PHF21A: variants seen among roughly 807,000 people sequenced by gnomAD.
The protein encoded by PHF21A is BHC80a.
Under a neutral mutation model 82.5 loss-of-function variants are expected in PHF21A, and 11 were observed. The observed-to-expected ratio is 0.13, with a 90% CI of 0.08 to 0.22. The LOEUF is 0.22. Ranked by LOEUF, PHF21A falls within the 10% of genes least tolerant of loss-of-function variation. The probability of loss-of-function intolerance (pLI) is 1.00; values close to 1 mark genes in which losing one functional copy is unlikely to be tolerated. For missense variants in PHF21A, 579 were observed against 837.8 expected, an observed-to-expected ratio of 0.69 and a Z score of 3.81; for synonymous variants, 297 against 302.8, an observed-to-expected ratio of 0.98 and a Z score of 0.20.
At chr11:46,045,144 A>C (rs1192985824) in intron 6 of PHF21A, among the ~76,000 whole-genome samples, 4 of 152,136 alleles carry the variant, frequency 2.6e-5, no homozygotes, top group African/African-American at 9.7e-5. Flanking sequence ...GAATGCCTCC[A>C]TTCTTTCTGT....
At chr11:46,054,474 G>A (rs575979251) in intron 6 of PHF21A, among the ~76,000 whole-genome samples, 10 of 152,164 alleles carry the variant, frequency 6.6e-5, no homozygotes, top group Admixed American at 2.0e-4. Flanking sequence ...TTTATGCCTG[G>A]GCGCCATTCT....
chr11:45,943,067 C>A (rs1021479517), intron 15 of PHF21A, among the ~76,000 whole-genome samples: 5 of 151,266 alleles, frequency 3.3e-5, no homozygotes, highest in African/African-American at 1.2e-4. Context: ...CAGACGTGAT[C>A]ACTTTTCTCC....
chr11:45,944,608 G>A (rs553546923), intron 15 of PHF21A, among the ~76,000 whole-genome samples: 2 of 152,098 alleles, frequency 1.3e-5, no homozygotes, highest in African/African-American at 4.8e-5. Context: ...TGGCCCTCTT[G>A]CTTTTCTTTC....
chr11:45,936,466 A>G, intron 17 of PHF21A, 28 bp downstream of exon 17: 3 of 1,394,312 alleles, frequency 2.2e-6, no homozygotes, highest in Non-Finnish European at 3.0e-6. Flanking sequence ...GGAAGCTTAC[A>G]AAAAAGTGGG....
intron 1 of PHF21A, among the ~76,000 whole-genome samples, chr11:46,114,104 C>CACAG (rs397742571): frequency 1.4e-5 from 2 of 146,200 alleles, no homozygotes; most frequent in Non-Finnish European, 2.9e-5. Context: ...CACACACACA[C>CACAG]GCACACATCC....
At chr11:46,095,352 AGTTT>A (rs1176466607) in intron 1 of PHF21A, among the ~76,000 whole-genome samples, 1 of 152,232 alleles carries the variant, frequency 6.6e-6, no homozygotes, top group Non-Finnish European at 1.5e-5. Flanking sequence ...AAAGCCACTT[AGTTT>A]GTTTCTCACA....
intron 6 of PHF21A, among the ~76,000 whole-genome samples, chr11:45,981,940 C>CTTT (rs754937092): frequency 3.1e-4 from 24 of 78,268 alleles, no homozygotes; most frequent in East Asian, 1.3e-3. Flanking sequence ...TTTTGTTTTT[C>CTTT]TTTTTTTTTT....
chr11:45,971,152 C>G lies in PHF21A; in HGVS notation c.576G>C (p.Glu192Asp). 1 of 1,614,194 alleles carries G rather than the reference C, an allele frequency of 6.2e-7. No individual in the cohort carries two copies. Among genetic ancestry groups the G allele is most frequent in the Non-Finnish European group, 8.5e-7 (1 of 1,180,032 alleles). The change falls in exon 8 of 19, where the codon GAG becomes GAC. Residue 192 changes from glutamate to aspartate, a missense_variant. Coordinates refer to ENST00000676320, the MANE Select transcript of PHF21A (RefSeq NM_001352027.3). The part of the protein sequence containing the change: ...TSSKVTGPGA[E>D]AVQIVAKNTV... ...TGTTTTTTGCCACAATTTGGACAGC[C>G]TCTGCCCCAGGCCCAGTGACCTTAC...
intron 6 of PHF21A, among the ~76,000 whole-genome samples, chr11:46,023,956 G>A (rs1201154965): frequency 1.3e-5 from 2 of 152,052 alleles, no homozygotes; most frequent in African/African-American, 2.4e-5. Flanking sequence ...ACACCATCTC[G>A]AAAACAAACA....
rs1354573497 is a variant in PHF21A, at chr11:45,931,831, A to G, written c.*2137T>C. On this transcript the variant is annotated 3_prime_UTR_variant, in exon 19 of 19. Coordinates refer to ENST00000676320, the MANE Select transcript of PHF21A (RefSeq NM_001352027.3). ...CCAGCGAGAGCACAAATCTGACACAATTTACTTCTGACAAGGCAAGATGAG... is the reference window on the plus strand; with the variant it reads ...CCAGCGAGAGCACAAATCTGACACAGTTTACTTCTGACAAGGCAAGATGAG... The G allele has an allele frequency of 6.6e-6, 1 of 152,238 alleles. No individual in the cohort carries two copies. The highest frequency in any genetic ancestry group is 1.5e-5 in the Non-Finnish European group (1 of 68,104). The allele number at this position is 152,238 out of a possible 1,614,324, so 9.4% of individuals were successfully genotyped here.
At chr11:46,074,944 T>C (rs545690044) in intron 6 of PHF21A, among the ~76,000 whole-genome samples, 41 of 152,376 alleles carry the variant, frequency 2.7e-4, no homozygotes, top group African/African-American at 9.4e-4. Context: ...ATCAAGAAGG[T>C]TGTTTTAACA....
intron 6 of PHF21A, among the ~76,000 whole-genome samples, chr11:46,066,284 C>G (rs957552971): frequency 6.6e-6 from 1 of 152,032 alleles, no homozygotes; most frequent in Non-Finnish European, 1.5e-5. Flanking sequence ...GTATTAGTTA[C>G]CTAGTGGTTT....
At chr11:46,048,673 G>C (rs940683520) in intron 6 of PHF21A, among the ~76,000 whole-genome samples, 2 of 152,120 alleles carry the variant, frequency 1.3e-5, no homozygotes, top group Non-Finnish European at 2.9e-5. Context: ...GGGAGGCTGA[G>C]GCAGGAGAAT....
intron 7 of PHF21A, among the ~76,000 whole-genome samples, chr11:45,972,583 G>T (rs955469885): frequency 6.6e-6 from 1 of 152,194 alleles, no homozygotes; most frequent in Non-Finnish European, 1.5e-5. Flanking sequence ...TTCGAGACTA[G>T]CCTGGTCAAC....
intron 7 of PHF21A, among the ~76,000 whole-genome samples, chr11:45,977,417 G>T (rs760320447): frequency 6.6e-6 from 1 of 152,092 alleles, no homozygotes; most frequent in Non-Finnish European, 1.5e-5. Flanking sequence ...GATTACAGGC[G>T]TGTGCCACTG....
chr11:45,988,110 C>A (rs542863808), intron 6 of PHF21A, among the ~76,000 whole-genome samples: 22 of 152,278 alleles, frequency 1.4e-4, no homozygotes, highest in African/African-American at 5.3e-4. Context: ...ACTGCTCAGA[C>A]AAAACAAATT....
At chr11:46,108,780 A>G (rs2097179925) in intron 1 of PHF21A, among the ~76,000 whole-genome samples, 1 of 152,180 alleles carries the variant, frequency 6.6e-6, no homozygotes, top group South Asian at 2.1e-4. Flanking sequence ...TGACTGAAAT[A>G]GTGAATGTAA....
chr11:46,074,442 T>A (rs995933272), intron 6 of PHF21A, among the ~76,000 whole-genome samples: 1 of 140,484 alleles, frequency 7.1e-6, no homozygotes, highest in Non-Finnish European at 1.6e-5. Flanking sequence ...TGCCAGAGGA[T>A]AAGTGGCTCT....
intron 6 of PHF21A, among the ~76,000 whole-genome samples, chr11:46,010,628 A>G (rs1453847174): frequency 6.6e-6 from 1 of 152,224 alleles, no homozygotes; most frequent in Non-Finnish European, 1.5e-5. Flanking sequence ...GCAAGTCAAC[A>G]ATCACAAAAC....
Sources: gnomAD v4.1 joint callset for allele counts (sites outside exome capture counted in the v4.1 genomes callset) on GRCh38, gnomAD v4.1.1 for gene constraint, MANE v1.5 for transcripts, NCBI Gene and HGNC (gene_info 2026-07-23, HGNC 2026-07-21) for gene names.